The following PHTF2 variants were observed in gnomAD, a reference collection of about 807,000 sequenced individuals.
PHTF2 encodes putative homeodomain transcription factor 2.
Under a neutral mutation model 101.2 loss-of-function variants are expected in PHTF2, and 60 were observed. The ratio of observed to expected loss-of-function variants is 0.59; its 90% CI spans 0.48 to 0.73. The LOEUF (loss-of-function observed/expected upper bound fraction) is 0.73, where lower values mean the gene tolerates loss of function less well. Among genes scored for constraint, PHTF2 ranks in the 30% least tolerant of loss-of-function variants. The pLI is 0.00. For missense variants in PHTF2, 747 were observed against 908.7 expected, an observed-to-expected ratio of 0.82 and a Z score of 2.29; for synonymous variants, 311 against 307.3, an observed-to-expected ratio of 1.01 and a Z score of -0.13.
At chr7:77,904,201 G>A (rs1801645154) in intron 7 of PHTF2, among the ~76,000 whole-genome samples, 1 of 152,134 alleles carries the variant, frequency 6.6e-6, no homozygotes, top group South Asian at 2.1e-4. Flanking sequence ...CCTTAACCAG[G>A]CTAAACTAGC....
intron 2 of PHTF2, among the ~76,000 whole-genome samples, chr7:77,847,459 A>C (rs1214320587): frequency 1.3e-5 from 2 of 152,070 alleles, no homozygotes; most frequent in Non-Finnish European, 2.9e-5. Context: ...ATGTTATTTA[A>C]TTTTTCTGAG....
chr7:77,887,325 T>C (rs528804209), intron 3 of PHTF2, among the ~76,000 whole-genome samples: 2 of 152,306 alleles, frequency 1.3e-5, no homozygotes, highest in East Asian at 1.9e-4. Context: ...TTCATCTGTT[T>C]GATATTACTA....
chr7:77,923,349 A>G (rs1055629328), intron 11 of PHTF2: 1 of 964,346 alleles, frequency 1.0e-6, no homozygotes. Context: ...ATTTGGCTTT[A>G]AGGCAAATAA....
chr7:77,931,022 A>G (rs1455136047), intron 12 of PHTF2, among the ~76,000 whole-genome samples: 5 of 152,252 alleles, frequency 3.3e-5, no homozygotes, highest in Non-Finnish European at 7.3e-5. Flanking sequence ...ACATTTGTTT[A>G]TAATGGATCA....
At chr7:77,865,249 A>G (rs970712243) in intron 3 of PHTF2, among the ~76,000 whole-genome samples, 4 of 151,488 alleles carry the variant, frequency 2.6e-5, no homozygotes, top group African/African-American at 9.7e-5. Flanking sequence ...TTTTTTAGAC[A>G]GAGTCTCGCT....
In PHTF2 at chr7:77,920,442, A is replaced by G. The variant is rs116706701; in HGVS notation, c.940A>G (p.Thr314Ala). ...AGAAGAGACAGCCTGGAACACAGGA[A>G]CACTGAGGAATGGTCCTAGCAAAGT... is the stretch of plus-strand genomic sequence containing the variant. The change falls in exon 10 of 20, where the codon ACA (threonine) becomes GCA (alanine). Residue 314 changes from threonine to alanine, a missense_variant. Around this residue, in one of 6 missense-constraint regions of PHTF2, gnomAD observed 349 missense variants for 369.7 expected, o/e 0.94. Coordinates refer to ENST00000416283, the Ensembl canonical transcript of PHTF2. The G allele has an allele frequency of 2.6e-4, 415 of 1,613,190 alleles. 2 individuals carry two copies. The African/African-American group carries it at 5.0e-3, about 19-fold the overall frequency.
chr7:77,850,506 G>A (rs1444326064), intron 2 of PHTF2, among the ~76,000 whole-genome samples: 1 of 151,468 alleles, frequency 6.6e-6, no homozygotes, highest in African/African-American at 2.4e-5. Flanking sequence ...GCCAGGCATG[G>A]TGGCATACAC....
At chr7:77,866,436 T>G (rs969378746) in intron 3 of PHTF2, among the ~76,000 whole-genome samples, 1 of 152,178 alleles carries the variant, frequency 6.6e-6, no homozygotes, top group Non-Finnish European at 1.5e-5. Flanking sequence ...TTATTTGACT[T>G]AATTTTTTCC....
chr7:77,868,369 T>C (rs2150704241), intron 3 of PHTF2, among the ~76,000 whole-genome samples: 1 of 148,254 alleles, frequency 6.7e-6, no homozygotes, highest in African/African-American at 2.5e-5. Context: ...GAGTCTTGCT[T>C]TGTTGCCCAG....
chr7:77,947,825 TC>T (rs1346495257), intron 16 of PHTF2, among the ~76,000 whole-genome samples: 1 of 127,536 alleles, frequency 7.8e-6, no homozygotes, highest in Non-Finnish European at 1.6e-5. Context: ...TTTTCTTTTT[TC>T]TTTTTTCTTT....
At position 77,836,417 on chromosome 7, in the gene PHTF2, C is replaced by T. The variant is rs558429857; in HGVS notation, c.-35-3804C>T. 9.9e-5 allele frequency among the ~76,000 whole-genome samples: 15 copies of T among 152,240 alleles called. No homozygotes were observed. In the East Asian group the frequency reaches 1.5e-3, roughly 16 times the overall value. ...GTTCAACTGTATTTGATTGAGATTC[C>T]GTAAAGGCAGACTTAACATACCATC... On this transcript the variant is annotated intron_variant, in intron 1 of 19. Transcript: ENST00000416283.
chr7:77,819,592 C>G (rs1794115558), intron 1 of PHTF2, among the ~76,000 whole-genome samples: 1 of 152,182 alleles, frequency 6.6e-6, no homozygotes, highest in Non-Finnish European at 1.5e-5. Context: ...TCCCCTGAAT[C>G]ATGATGTATT....
At chr7:77,910,471 C>G in intron 9 of PHTF2, 62 bp downstream of exon 8, 1 of 1,161,390 alleles carries the variant, frequency 8.6e-7, no homozygotes, top group Non-Finnish European at 1.2e-6. Flanking sequence ...TCTGGCACTT[C>G]AGTCTCAGGT....
intron 3 of PHTF2, among the ~76,000 whole-genome samples, chr7:77,884,503 C>G (rs998755992): frequency 6.6e-6 from 1 of 152,128 alleles, no homozygotes; most frequent in Non-Finnish European, 1.5e-5. Context: ...TTTTCCATTC[C>G]TGAGTTGACA....
chr7:77,843,797 A>T (rs1316642249), intron 2 of PHTF2, among the ~76,000 whole-genome samples: 2 of 152,244 alleles, frequency 1.3e-5, no homozygotes, highest in African/African-American at 4.8e-5. Context: ...CAATATACAT[A>T]TACAGAAAAT....
At chr7:77,845,529 A>C (rs1479412531) in intron 2 of PHTF2, among the ~76,000 whole-genome samples, 1 of 152,232 alleles carries the variant, frequency 6.6e-6, no homozygotes, top group African/African-American at 2.4e-5. Flanking sequence ...TTTAAATGAG[A>C]AACTAGCCTG....
intron 3 of PHTF2, among the ~76,000 whole-genome samples, chr7:77,878,652 T>C (rs1211901702): frequency 1.3e-5 from 2 of 152,180 alleles, no homozygotes; most frequent in Non-Finnish European, 2.9e-5. Context: ...TTAGCTTGGC[T>C]ACTCCCAGGA....
intron 3 of PHTF2, among the ~76,000 whole-genome samples, chr7:77,876,554 A>G (rs746658182): frequency 5.3e-5 from 8 of 152,262 alleles, no homozygotes; most frequent in Non-Finnish European, 7.4e-5. Context: ...TAAAATGAAG[A>G]TAATGTTTAT....
At chr7:77,949,810 A>T in exon 17 of PHTF2, 1 of 1,521,620 alleles carries the variant, frequency 6.6e-7, no homozygotes, top group Non-Finnish European at 9.0e-7. Context: ...ATATAGTAAT[A>T]CCTCAATATT....
Sources: allele counts gnomAD v4.1 joint callset (sites outside exome capture counted in the v4.1 genomes callset), GRCh38; gene constraint gnomAD v4.1.1; regional missense constraint gnomAD v4.1.1; transcripts MANE v1.5; gene names NCBI Gene and HGNC (gene_info 2026-07-23, HGNC 2026-07-21).